The following EML6 variants were observed in gnomAD, a reference collection of about 807,000 sequenced individuals.
EML6 encodes EMAP like 6, also known as echinoderm microtubule-associated protein-like 6.
In EML6, 154 loss-of-function variants were observed where a neutral mutation model predicts 240.1. The ratio of observed to expected loss-of-function variants is 0.64; its 90% CI spans 0.56 to 0.73. The LOEUF (loss-of-function observed/expected upper bound fraction) is 0.73, where lower values mean the gene tolerates loss of function less well. EML6 is among the 30% of genes least tolerant of loss of function. EML6 has a pLI of 0.00. For missense variants in EML6, 2,964 were observed against 2,474.6 expected (o/e 1.20, Z -4.20); for synonymous variants, 1,148 against 899.0 (o/e 1.28, Z -4.95).
At chr2:54,954,830 G>A (rs1030050240) in intron 32 of EML6, among the ~76,000 whole-genome samples, 6 of 152,180 alleles carry the variant, frequency 3.9e-5, no homozygotes, top group African/African-American at 7.2e-5. Flanking sequence ...GGCAAGAGCA[G>A]ATCCAATTAG....
At chr2:54,809,272 A>G (rs1250405297) in intron 2 of EML6, among the ~76,000 whole-genome samples, 1 of 152,250 alleles carries the variant, frequency 6.6e-6, no homozygotes, top group South Asian at 2.1e-4. Context: ...AGAGATAAGT[A>G]GTGTCCATAC....
At chr2:54,954,792 C>A in intron 32 of EML6, among the ~76,000 whole-genome samples, 1 of 152,210 alleles carries the variant, frequency 6.6e-6, no homozygotes, top group African/African-American at 2.4e-5. Context: ...CAGTCCTCCT[C>A]ATATATTCTC....
At position 54,847,642 on chromosome 2, in the gene EML6, A is replaced by C. The variant is rs1348255909; in HGVS notation, c.1187+19A>C. 1 of 1,551,052 alleles carries C rather than the reference A, an allele frequency of 6.4e-7. No individual in the cohort carries two copies. Among genetic ancestry groups the C allele is most frequent in the African/African-American group, 1.4e-5 (1 of 73,148 alleles). On this transcript the variant is annotated intron_variant, in intron 9 of 41. Coordinates refer to ENST00000356458, the MANE Select transcript of EML6 (RefSeq NM_001039753.4). ...GAGTCAGGCACGTACTGATGTTGAA[A>C]ATGGTATTTAGAAATGCTCTCGTGT... is the stretch of plus-strand genomic sequence containing the variant.
chr2:54,897,708 A>G (rs1410387984), intron 21 of EML6, among the ~76,000 whole-genome samples: 1 of 146,952 alleles, frequency 6.8e-6, no homozygotes, highest in East Asian at 2.0e-4. Flanking sequence ...TTTTTTTTTC[A>G]GCATCTTTTT....
At chr2:54,736,791 C>G (rs1683415675) in intron 2 of EML6, among the ~76,000 whole-genome samples, 1 of 152,172 alleles carries the variant, frequency 6.6e-6, no homozygotes, top group African/African-American at 2.4e-5. Flanking sequence ...CTCCCTAGGC[C>G]TACCTGATAC....
At chr2:54,781,333 G>A (rs967289632) in intron 2 of EML6, among the ~76,000 whole-genome samples, 11 of 152,102 alleles carry the variant, frequency 7.2e-5, no homozygotes, top group Admixed American at 2.0e-4. Flanking sequence ...CCAATAAATC[G>A]CATGGATTTT....
At chr2:54,820,512 A>G in intron 5 of EML6, 50 bp downstream of exon 5, 2 of 1,117,666 alleles carry the variant, frequency 1.8e-6, no homozygotes, top group East Asian at 2.6e-5. Flanking sequence ...AAATAATTTT[A>G]GGTGTTTGTA....
In EML6 at chr2:54,950,757, C is replaced by T; in HGVS notation, c.4191C>T (p.Gly1397=). ...ADIIFHTAAA[G]IVQNLSTGSQ... The stretch of plus-strand genomic sequence containing the variant: ...TCATCTTCCACACAGCAGCGGCTGG[C>T]ATCGTTCAGAACCTCTCCACAGGTA... Residue 1397 remains glycine, a synonymous_variant, in exon 30 of 42, where the codon GGC becomes GGT. Transcript: ENST00000356458. The T allele has an allele frequency of 1.9e-6, 3 of 1,551,524 alleles. No individual in the cohort carries two copies. Among genetic ancestry groups the T allele is most frequent in the African/African-American group, 2.7e-5 (2 of 73,184 alleles).
intron 2 of EML6, among the ~76,000 whole-genome samples, chr2:54,764,348 T>C (rs911632625): frequency 6.6e-6 from 1 of 152,148 alleles, no homozygotes; most frequent in Non-Finnish European, 1.5e-5. Flanking sequence ...AAATATAGAA[T>C]TAGCGAGATT....
chr2:54,735,807 G>C (rs1367245736), intron 2 of EML6, among the ~76,000 whole-genome samples: 1 of 152,242 alleles, frequency 6.6e-6, no homozygotes, highest in Non-Finnish European at 1.5e-5. Flanking sequence ...TAAGAGGGAA[G>C]TGAAGTCCAG....
intron 26 of EML6, among the ~76,000 whole-genome samples, chr2:54,920,456 G>C (rs552433521): frequency 6.6e-6 from 1 of 152,226 alleles, no homozygotes; most frequent in African/African-American, 2.4e-5. Context: ...CAAAACTGAA[G>C]TGCAAAGAAA....
At chr2:54,948,542 G>T (rs1245706483) in intron 28 of EML6, among the ~76,000 whole-genome samples, 2 of 152,198 alleles carry the variant, frequency 1.3e-5, no homozygotes, top group African/African-American at 4.8e-5. Flanking sequence ...TCATGGTCAG[G>T]CTTCTCCTTG....
At chr2:54,822,645 G>A (rs951294709) in intron 5 of EML6, among the ~76,000 whole-genome samples, 1 of 152,052 alleles carries the variant, frequency 6.6e-6, no homozygotes, top group East Asian at 1.9e-4. Context: ...TTTACTTTGG[G>A]GGTTGGGTTA....
chr2:54,797,058 A>G (rs1217535648), intron 2 of EML6, among the ~76,000 whole-genome samples: 1 of 149,718 alleles, frequency 6.7e-6, no homozygotes, highest in African/African-American at 2.5e-5. Flanking sequence ...CCAGCTGCTC[A>G]GGAGGCTGAG....
chr2:54,964,485 G>C, intron 37 of EML6, 86 bp from the exon 38 acceptor site: 1 of 1,299,998 alleles, frequency 7.7e-7, no homozygotes, highest in Non-Finnish European at 1.1e-6. Flanking sequence ...TTTAGGCCTG[G>C]AAGGCCTGTC....
intron 13 of EML6, 52 bp from the exon 14 acceptor site, chr2:54,866,714 T>G: frequency 9.6e-7 from 1 of 1,039,780 alleles, no homozygotes. Flanking sequence ...TGCTGATATT[T>G]TTGGAACCTG....
intron 10 of EML6, among the ~76,000 whole-genome samples, chr2:54,852,123 A>G (rs1449185152): frequency 6.6e-6 from 1 of 152,180 alleles, no homozygotes; most frequent in African/African-American, 2.4e-5. Flanking sequence ...TTAGTCCCAG[A>G]TCTTTGTTCT....
rs1197352189 is a variant in EML6 at position 54,774,500 on chromosome 2, G to C, written c.198-38732G>C. The stretch of plus-strand genomic sequence containing the variant: ...CAGCAACATATCCTTCATGGAAGGG[G>C]GTTCTGGATGGTTTTTAGCCTACAT... On this transcript the variant is annotated intron_variant, in intron 2 of 41. Coordinates refer to ENST00000356458, the MANE Select transcript of EML6 (RefSeq NM_001039753.4). This position sits in a 1 kb window ranked among gnomAD's most constrained non-coding sequence, Gnocchi z 4.1. Among the ~76,000 whole-genome samples the C allele has an allele frequency of 6.6e-6, 1 of 152,194 alleles. No individual in the cohort carries two copies. The highest frequency in any genetic ancestry group is 1.5e-5 in the Non-Finnish European group (1 of 68,038).
At chr2:54,950,849 T>C in intron 30 of EML6, 70 bp downstream of exon 30, 3 of 1,465,670 alleles carry the variant, frequency 2.0e-6, no homozygotes, top group Non-Finnish European at 2.8e-6. Flanking sequence ...ACTCTTTAGA[T>C]GCCCAAAAGC....
Sources: allele counts gnomAD v4.1 joint callset (sites outside exome capture counted in the v4.1 genomes callset), GRCh38; gene constraint gnomAD v4.1.1; non-coding constraint Gnocchi (gnomAD v3.1); transcripts MANE v1.5; gene names NCBI Gene and HGNC (gene_info 2026-07-23, HGNC 2026-07-21).